Variants in RNGTT observed in about 807,000 individuals in gnomAD.
The protein encoded by RNGTT is mRNA-capping enzyme.
In RNGTT, 33 loss-of-function variants were observed where a neutral mutation model predicts 79.3. That is an observed-to-expected ratio of 0.42 (90% CI 0.32 to 0.56). RNGTT has a LOEUF of 0.56. Among genes scored for constraint, RNGTT ranks in the 20% least tolerant of loss-of-function variants. RNGTT has a pLI of 0.17. For missense variants in RNGTT, 497 were observed against 739.1 expected (o/e 0.67, Z 3.80); for synonymous variants, 222 against 235.9 (o/e 0.94, Z 0.54).
intron 7 of RNGTT, 129 bp from the exon 8 acceptor site, chr6:88,890,725 G>A: frequency 1.9e-6 from 1 of 517,902 alleles, no homozygotes; most frequent in Non-Finnish European, 3.4e-6. Flanking sequence ...ATGTCAGCTG[G>A]AATAACATCC....
Position 88,687,639 on chromosome 6 carries a change from C to T in RNGTT, c.1440-9220G>A, listed in dbSNP as rs139130422. Among the ~76,000 whole-genome samples, 113 of 151,920 alleles carry T rather than the reference C, an allele frequency of 7.4e-4. 1 individual carries two copies. The highest frequency in any genetic ancestry group is 1.9e-4 in the Non-Finnish European group (13 of 67,960). On this transcript the variant is annotated intron_variant, in intron 13 of 15. Transcript: ENST00000369485. ...CTACTTACCAATAGGAAATGATTTC[C>T]AGGATATATTTACTGTGTTAAGTGA...
chr6:88,773,440 T>C (rs1468901989), intron 12 of RNGTT, among the ~76,000 whole-genome samples: 2 of 150,486 alleles, frequency 1.3e-5, no homozygotes, highest in African/African-American at 4.9e-5. Flanking sequence ...CTGCACATTG[T>C]GCACATGTAC....
chr6:88,720,471 TTCTCCTGAGTCTA>T (rs1776670882), intron 13 of RNGTT, among the ~76,000 whole-genome samples: 1 of 152,050 alleles, frequency 6.6e-6, no homozygotes, highest in South Asian at 2.1e-4. Flanking sequence ...TCTGGGAACA[TTCTCCTGAGTCTA>T]GTGTTCTCAT....
At chr6:88,909,470 T>C (rs560834107) in intron 4 of RNGTT, among the ~76,000 whole-genome samples, 1 of 152,278 alleles carries the variant, frequency 6.6e-6, no homozygotes, top group African/African-American at 2.4e-5. Context: ...CCACTCTTAC[T>C]GACAAGCACA....
chr6:88,854,535 CTT>C (rs569684018), intron 8 of RNGTT, among the ~76,000 whole-genome samples: 45 of 152,282 alleles, frequency 3.0e-4, no homozygotes, highest in African/African-American at 1.1e-3. Flanking sequence ...ATTTGCCAGA[CTT>C]TAAATTATCC....
At chr6:88,765,390 A>G (rs1010944816) in intron 13 of RNGTT, among the ~76,000 whole-genome samples, 3 of 152,148 alleles carry the variant, frequency 2.0e-5, no homozygotes, top group Non-Finnish European at 4.4e-5. Context: ...TAATAATTAT[A>G]ACCATTTTTT....
chr6:88,915,214 T>C (rs1302715388), intron 4 of RNGTT, among the ~76,000 whole-genome samples: 1 of 152,118 alleles, frequency 6.6e-6, no homozygotes, highest in African/African-American at 2.4e-5. Context: ...TTTGGAGATT[T>C]CACAAAGAAC....
chr6:88,637,619 CT>C (rs1374976721), intron 14 of RNGTT, among the ~76,000 whole-genome samples: 2 of 151,988 alleles, frequency 1.3e-5, no homozygotes, highest in Non-Finnish European at 2.9e-5. Flanking sequence ...AAGGAACACC[CT>C]ATGGTTTTAG....
chr6:88,713,317 C>T (rs575677406), intron 13 of RNGTT, among the ~76,000 whole-genome samples: 113 of 152,236 alleles, frequency 7.4e-4, no homozygotes, highest in African/African-American at 2.5e-3. Context: ...TTTTGAACTT[C>T]CCATCCTCTA....
chr6:88,884,671 CA>C (rs1415122379), intron 8 of RNGTT, among the ~76,000 whole-genome samples: 1 of 152,014 alleles, frequency 6.6e-6, no homozygotes, highest in Non-Finnish European at 1.5e-5. Flanking sequence ...AGGATGAGGG[CA>C]AACTCAGAAT....
At chr6:88,705,252 G>A (rs1776091894) in intron 13 of RNGTT, among the ~76,000 whole-genome samples, 1 of 152,218 alleles carries the variant, frequency 6.6e-6, no homozygotes, top group South Asian at 2.1e-4. Flanking sequence ...GTGATCAATG[G>A]TTGCTCGGTA....
intron 8 of RNGTT, among the ~76,000 whole-genome samples, chr6:88,866,027 G>A (rs1782153921): frequency 6.6e-6 from 1 of 152,112 alleles, no homozygotes; most frequent in African/African-American, 2.4e-5. Context: ...GACTGATAAA[G>A]TCTCCACCCT....
intron 14 of RNGTT, among the ~76,000 whole-genome samples, chr6:88,616,254 C>G (rs1418124450): frequency 6.6e-6 from 1 of 152,168 alleles, no homozygotes; most frequent in East Asian, 1.9e-4. Context: ...ATTCATCTGT[C>G]AATGGACACG....
chr6:88,687,063 C>T (rs1489052670), intron 13 of RNGTT, among the ~76,000 whole-genome samples: 1 of 151,540 alleles, frequency 6.6e-6, no homozygotes, highest in Non-Finnish European at 1.5e-5. Context: ...TAACATATAC[C>T]ACAGAAAAGG....
intron 14 of RNGTT, 50 bp downstream of exon 14, chr6:88,678,303 C>A: frequency 6.3e-7 from 1 of 1,576,896 alleles, no homozygotes. Flanking sequence ...TTGATGGATT[C>A]TAGATAAGAG....
chr6:88,693,009 T>C (rs1414773291), intron 13 of RNGTT, among the ~76,000 whole-genome samples: 2 of 151,856 alleles, frequency 1.3e-5, no homozygotes, highest in Non-Finnish European at 2.9e-5. Context: ...GGGAAATTTA[T>C]ACAAATAAAC....
chr6:88,783,271 G>T (rs1779122951), intron 12 of RNGTT, among the ~76,000 whole-genome samples: 1 of 152,116 alleles, frequency 6.6e-6, no homozygotes, highest in Non-Finnish European at 1.5e-5. Flanking sequence ...GGAGAGCACT[G>T]TACTAAGCAA....
intron 4 of RNGTT, among the ~76,000 whole-genome samples, chr6:88,917,640 A>G (rs951050449): frequency 2.6e-5 from 4 of 152,190 alleles, no homozygotes; most frequent in Non-Finnish European, 5.9e-5. Context: ...CCACCCCAGC[A>G]CTTTGGGAGG....
At chr6:88,737,832 A>C (rs1284783864) in intron 13 of RNGTT, among the ~76,000 whole-genome samples, 1 of 152,216 alleles carries the variant, frequency 6.6e-6, no homozygotes, top group Non-Finnish European at 1.5e-5. Flanking sequence ...TTGTTATGGT[A>C]GCTCAAGGAG....
Sources: gnomAD v4.1 joint callset for allele counts (sites outside exome capture counted in the v4.1 genomes callset) on GRCh38, gnomAD v4.1.1 for gene constraint, MANE v1.5 for transcripts, NCBI Gene and HGNC (gene_info 2026-07-23, HGNC 2026-07-21) for gene names.